Variants in DUSP14 observed in about 807,000 individuals in gnomAD.
The protein encoded by DUSP14 is dual specificity protein phosphatase 14.
Under a neutral mutation model 13.2 loss-of-function variants are expected in DUSP14, and 5 were observed. That is an observed-to-expected ratio of 0.38 (90% CI 0.20 to 0.80). The LOEUF is 0.80. DUSP14 is among the 30% of genes least tolerant of loss of function. The pLI is 0.44. For missense variants in DUSP14, 185 were observed against 264.0 expected (o/e 0.70, Z 2.07); for synonymous variants, 91 against 103.4 (o/e 0.88, Z 0.73).
upstream of DUSP14, among the ~76,000 whole-genome samples, chr17:37,489,651 C>T (rs114795565): frequency 0.018 from 2,708 of 152,002 alleles, 77 homozygotes; most frequent in African/African-American, 0.062. Context: ...GACCAGGGGA[C>T]CTGCACGGAG....
chr17:37,500,345 G>C (rs1359587009), intron 1 of DUSP14, among the ~76,000 whole-genome samples: 1 of 152,240 alleles, frequency 6.6e-6, no homozygotes, highest in Non-Finnish European at 1.5e-5. Context: ...AGACATCAAA[G>C]ATGATCAAAG....
At chr17:37,495,193 G>A (rs2054055467) in intron 1 of DUSP14, among the ~76,000 whole-genome samples, 1 of 152,184 alleles carries the variant, frequency 6.6e-6, no homozygotes, top group African/African-American at 2.4e-5. Flanking sequence ...GGCAGGGGCA[G>A]CCTCAGCCTG....
At position 37,512,804 on chromosome 17, in the gene DUSP14, T is replaced by C; in HGVS notation, c.532T>C (p.Tyr178His). 1 of 1,613,676 alleles carries C rather than the reference T, an allele frequency of 6.2e-7. No individual in the cohort carries two copies. Among genetic ancestry groups the C allele is most frequent in the South Asian group, 1.1e-5 (1 of 91,084 alleles). The change falls in exon 3 of 3, where the codon TAT becomes CAT. Residue 178 changes from tyrosine to histidine, a missense_variant. Physicochemically the swap from Tyr to His is moderately conservative, Grantham distance 83. Transcript: ENST00000617516. This position sits in a 1 kb window ranked among gnomAD's most constrained non-coding sequence, Gnocchi z 4.8. ...KSTVKMVQTPYGIVPDVYEKE... is the reference protein window; with the variant it reads ...KSTVKMVQTPHGIVPDVYEKE... ...GACAGTTAAAATGGTACAGACACCTTATGGCATAGTTCCCGACGTCTATGA... is the reference window on the plus strand; with the variant it reads ...GACAGTTAAAATGGTACAGACACCTCATGGCATAGTTCCCGACGTCTATGA...
chr17:37,503,624 A>T (rs2054119268), intron 1 of DUSP14, among the ~76,000 whole-genome samples: 1 of 152,216 alleles, frequency 6.6e-6, no homozygotes, highest in African/African-American at 2.4e-5. Flanking sequence ...GTGAGGACCA[A>T]ATACAAGAAT....
Position 37,512,126 on chromosome 17 carries a change from A to G in DUSP14, c.-92-55A>G, listed in dbSNP as rs972726114. ...CTTCCCATTTGACAAATGTGACAGAAGGCTGTGATGAATCAGTAGCATTTA... is the reference window on the plus strand; with the variant it reads ...CTTCCCATTTGACAAATGTGACAGAGGGCTGTGATGAATCAGTAGCATTTA... On this transcript the variant is annotated intron_variant, in intron 2 of 2. Transcript: ENST00000617516. This position sits in a 1 kb window ranked among gnomAD's most constrained non-coding sequence, Gnocchi z 4.8. 3 of 637,714 alleles carry G rather than the reference A, an allele frequency of 4.7e-6. No homozygotes were observed. Among genetic ancestry groups the G allele is most frequent in the Non-Finnish European group, 8.1e-6 (3 of 371,180 alleles). The allele number at this position is 637,714 out of a possible 1,614,324, so 39.5% of individuals were successfully genotyped here.
rs545370615 is a variant in DUSP14 at position 37,513,127 on chromosome 17, A to G, written c.*258A>G. 14 of 515,822 alleles carry G rather than the reference A, an allele frequency of 2.7e-5. No individual in the cohort carries two copies. The highest frequency in any genetic ancestry group is 4.9e-5 in the Non-Finnish European group (14 of 284,576). 32.0% of individuals were successfully genotyped at this position (515,822 alleles called of 1,614,324 possible). On this transcript the variant is annotated 3_prime_UTR_variant, in exon 3 of 3. Transcript: ENST00000617516. ...CTTTAGCTTTTAATCATTTTTACCA[A>G]TTTGAACAGTTTAATAAACTGGTTC... is the stretch of plus-strand genomic sequence containing the variant.
chr17:37,503,252 C>G (rs1456337710), intron 1 of DUSP14, among the ~76,000 whole-genome samples: 2 of 152,134 alleles, frequency 1.3e-5, no homozygotes, highest in Non-Finnish European at 2.9e-5. Context: ...TGGGGAAACC[C>G]TGTCTCTATA....
At chr17:37,495,211 G>A (rs1043093672) in intron 1 of DUSP14, among the ~76,000 whole-genome samples, 8 of 152,194 alleles carry the variant, frequency 5.3e-5, no homozygotes, top group Non-Finnish European at 7.3e-5. Context: ...CTGGGCGAGG[G>A]AGGAGGCCTA....
chr17:37,501,676 T>C (rs943126136), intron 1 of DUSP14, among the ~76,000 whole-genome samples: 2 of 152,052 alleles, frequency 1.3e-5, no homozygotes, highest in African/African-American at 4.8e-5. Context: ...CCACCACGCC[T>C]GGCTAATTTT....
At chr17:37,511,024 A>G (rs2054181132) in intron 2 of DUSP14, among the ~76,000 whole-genome samples, 1 of 151,748 alleles carries the variant, frequency 6.6e-6, no homozygotes, top group South Asian at 2.1e-4. Context: ...ATGTAAATGT[A>G]TATATTGACA....
chr17:37,509,113 A>ATATATG (rs1212778677), intron 1 of DUSP14, among the ~76,000 whole-genome samples: 13 of 36,022 alleles, frequency 3.6e-4, no homozygotes, highest in Non-Finnish European at 4.9e-4. Flanking sequence ...CCATATATAT[A>ATATATG]TATATATATA....
intron 1 of DUSP14, among the ~76,000 whole-genome samples, chr17:37,501,527 C>CT (rs562607262): frequency 3.4e-5 from 5 of 148,324 alleles, no homozygotes; most frequent in African/African-American, 1.2e-4. Context: ...ACAGGAGGCT[C>CT]TTTTTTTTTT....
intron 2 of DUSP14, among the ~76,000 whole-genome samples, chr17:37,511,609 CT>C (rs1264230998): frequency 9.8e-5 from 2 of 20,470 alleles, no homozygotes; most frequent in Non-Finnish European, 1.6e-4. Context: ...TTTTTAGAAG[CT>C]GGGTCTCCCT....
chr17:37,494,160 A>AT (rs1316948203), intron 1 of DUSP14, among the ~76,000 whole-genome samples: 1 of 151,702 alleles, frequency 6.6e-6, no homozygotes, highest in Admixed American at 6.6e-5. Context: ...TGCCCGGCTA[A>AT]TTTTTTGTAT....
chr17:37,496,821 C>T (rs1170646468), intron 1 of DUSP14, among the ~76,000 whole-genome samples: 2 of 149,132 alleles, frequency 1.3e-5, no homozygotes, highest in Non-Finnish European at 3.0e-5. Context: ...GAGACTGAGG[C>T]AGGAGAATTG....
chr17:37,512,187 G>C lies in DUSP14; in HGVS notation c.-86G>C, dbSNP rs2054193478. ...ACATACCTGTATTTTGCAGGAAGGA[G>C]ACTCTAATTTTGGATTCCTTGGTGG... On this transcript the variant is annotated 5_prime_UTR_variant, in exon 3 of 3. Coordinates refer to ENST00000617516, the MANE Select transcript of DUSP14 (RefSeq NM_007026.4). This position sits in a 1 kb window ranked among gnomAD's most constrained non-coding sequence, Gnocchi z 4.8. 10 of 1,106,580 alleles carry C rather than the reference G, an allele frequency of 9.0e-6. 1 individual carries two copies. Among genetic ancestry groups the C allele is most frequent in the South Asian group, 4.5e-5 (3 of 66,568 alleles). 68.5% of individuals were successfully genotyped at this position (1,106,580 alleles called of 1,614,324 possible).
intron 1 of DUSP14, among the ~76,000 whole-genome samples, chr17:37,500,740 G>T (rs2054098966): frequency 2.0e-5 from 3 of 152,150 alleles, no homozygotes; most frequent in African/African-American, 4.8e-5. Flanking sequence ...TTGGTTTCCA[G>T]TTATCATTAA....
intron 1 of DUSP14, among the ~76,000 whole-genome samples, chr17:37,490,547 G>A (rs923289829): frequency 6.6e-6 from 1 of 152,138 alleles, no homozygotes; most frequent in Non-Finnish European, 1.5e-5. Flanking sequence ...TTGTAAAGAG[G>A]GGGTGCGTGC....
At chr17:37,511,437 T>C (rs1356741389) in intron 2 of DUSP14, among the ~76,000 whole-genome samples, 1 of 151,740 alleles carries the variant, frequency 6.6e-6, no homozygotes, top group Non-Finnish European at 1.5e-5. Context: ...CTCGCCACCA[T>C]GCTCAGCTAA....
Sources: allele counts gnomAD v4.1 joint callset (sites outside exome capture counted in the v4.1 genomes callset), GRCh38; gene constraint gnomAD v4.1.1; non-coding constraint Gnocchi (gnomAD v3.1); transcripts MANE v1.5; gene names NCBI Gene and HGNC (gene_info 2026-07-23, HGNC 2026-07-21).